The following DCX variants were observed in gnomAD, a reference collection of about 807,000 sequenced individuals.
DCX encodes the protein neuronal migration protein doublecortin.
DCX carries 4 observed loss-of-function variants against 20.9 expected under a neutral mutation model. The observed-to-expected ratio is 0.19, with a 90% CI of 0.09 to 0.44. The LOEUF (loss-of-function observed/expected upper bound fraction) is 0.44. Ranked by LOEUF, DCX falls within the 20% of genes least tolerant of loss-of-function variation. The probability of loss-of-function intolerance (pLI) is 0.99; values close to 1 mark genes in which losing one functional copy is unlikely to be tolerated. For synonymous variants in DCX, 103 were observed against 111.4 expected (o/e 0.92, Z 0.47); for missense variants, 133 against 296.9 (o/e 0.45, Z 4.06).
At chrX:111,356,725 A>G (rs1923763785) in intron 3 of DCX, among the ~76,000 whole-genome samples, 1 of 112,234 alleles carries the variant, frequency 8.9e-6, no homozygotes, top group Non-Finnish European at 1.9e-5. Context: ...TGTGAAAGTT[A>G]TAACAAAGAA....
chrX:111,332,606 G>A (rs1250437593), intron 4 of DCX, among the ~76,000 whole-genome samples: 2 of 111,895 alleles, frequency 1.8e-5, no homozygotes, highest in Non-Finnish European at 3.8e-5. Flanking sequence ...GTCTGATGGT[G>A]TGAAAAGGGT....
intron 3 of DCX, among the ~76,000 whole-genome samples, chrX:111,333,912 G>A (rs762426844): frequency 1.1e-4 from 12 of 111,825 alleles, no homozygotes; most frequent in Non-Finnish European, 2.1e-4. Context: ...AAAGTATGCT[G>A]CTTCCTGCAG....
intron 3 of DCX, among the ~76,000 whole-genome samples, chrX:111,368,693 T>C (rs17004002): frequency 0.21 from 23,473 of 110,374 alleles, 5,344 homozygotes; most frequent in African/African-American, 0.68. Flanking sequence ...ATGTTTCTCT[T>C]TCTCTGTCAG....
chrX:111,367,676 T>C (rs1168309012), intron 3 of DCX, among the ~76,000 whole-genome samples: 1 of 111,754 alleles, frequency 8.9e-6, no homozygotes, highest in Non-Finnish European at 1.9e-5. Flanking sequence ...ATAAGCAATG[T>C]GCTGTGTAGT....
chrX:111,336,522 G>C (rs1482948150), intron 3 of DCX, among the ~76,000 whole-genome samples: 2 of 112,131 alleles, frequency 1.8e-5, no homozygotes, highest in African/African-American at 3.2e-5. Flanking sequence ...TGGCTATTGA[G>C]ACACGGCAGC....
intron 3 of DCX, among the ~76,000 whole-genome samples, chrX:111,399,090 G>A (rs966041378): frequency 3.6e-5 from 4 of 110,719 alleles, no homozygotes; most frequent in African/African-American, 1.3e-4. Flanking sequence ...CTCCAGCCTG[G>A]GTGACAGAGT....
chrX:111,398,721 G>A (rs1487046024), intron 3 of DCX, among the ~76,000 whole-genome samples: 2 of 112,113 alleles, frequency 1.8e-5, no homozygotes, highest in Non-Finnish European at 1.9e-5. Context: ...GGAGATGGAG[G>A]TGTCCCTTTA....
At chrX:111,381,555 T>A (rs1285910267) in intron 3 of DCX, among the ~76,000 whole-genome samples, 3 of 110,879 alleles carry the variant, frequency 2.7e-5, no homozygotes, top group African/African-American at 9.8e-5. Context: ...TTCTGCCCAT[T>A]CTGTGAAGAA....
At chrX:111,303,510 A>T (rs944760691) in intron 6 of DCX, among the ~76,000 whole-genome samples, 1 of 111,657 alleles carries the variant, frequency 9.0e-6, no homozygotes, top group Non-Finnish European at 1.9e-5. Context: ...TTGGGAATTT[A>T]TCTAACATTG....
intron 3 of DCX, among the ~76,000 whole-genome samples, chrX:111,393,979 G>A (rs1255107326): frequency 9.0e-6 from 1 of 111,396 alleles, no homozygotes. Context: ...GCCCAGCAAT[G>A]CCATTTTGAG....
chrX:111,323,456 A>G (rs1373141414), intron 5 of DCX, among the ~76,000 whole-genome samples: 1 of 111,466 alleles, frequency 9.0e-6, no homozygotes, highest in Admixed American at 9.6e-5. Context: ...AGCACTGAGT[A>G]AGTATTCAAT....
intron 3 of DCX, among the ~76,000 whole-genome samples, chrX:111,370,121 C>T (rs1924957902): frequency 8.9e-6 from 1 of 111,853 alleles, no homozygotes; most frequent in Non-Finnish European, 1.9e-5. Context: ...TTTGACTATG[C>T]TTAGTTCCTG....
In DCX at chrX:111,331,044, G is replaced by A. The variant is rs867300590; in HGVS notation, c.809-3C>T. On this transcript the variant is annotated splice_region_variant and splice_polypyrimidine_tract_variant and intron_variant, in intron 4 of 6. Coordinates refer to ENST00000636035, the MANE Select transcript of DCX (RefSeq NM_001195553.2). ...GTTTCCCTTCATGACTCGGCATTCTGGGGCAAAAGGACACAGACAGCTTAG... is the reference window on the plus strand; with the variant it reads ...GTTTCCCTTCATGACTCGGCATTCTAGGGCAAAAGGACACAGACAGCTTAG... The A allele has an allele frequency of 8.3e-6, 10 of 1,210,657 alleles. No individual in the cohort carries two copies. Among genetic ancestry groups the A allele is most frequent in the Non-Finnish European group, 1.0e-5 (9 of 894,846 alleles).
chrX:111,313,328 T>C (rs1235520710), intron 5 of DCX, among the ~76,000 whole-genome samples: 1 of 110,188 alleles, frequency 9.1e-6, no homozygotes. Flanking sequence ...GAAAATAGGC[T>C]AGTCAGGAAG....
intron 5 of DCX, among the ~76,000 whole-genome samples, chrX:111,320,690 T>C (rs1024280536): frequency 2.7e-5 from 3 of 110,777 alleles, no homozygotes; most frequent in Admixed American, 9.7e-5. Context: ...ATTTTTCCCC[T>C]TGGCAACAAG....
chrX:111,388,291 T>C (rs759508490), intron 3 of DCX, among the ~76,000 whole-genome samples: 9 of 111,983 alleles, frequency 8.0e-5, no homozygotes, highest in African/African-American at 2.9e-4. Flanking sequence ...CATGGGTGAA[T>C]AGGTGTTACC....
At chrX:111,350,970 A>G (rs137923601) in intron 3 of DCX, among the ~76,000 whole-genome samples, 1 of 111,941 alleles carries the variant, frequency 8.9e-6, no homozygotes, top group African/African-American at 3.3e-5. Flanking sequence ...AAACCATCAG[A>G]TCTTGTGAGA....
At chrX:111,341,013 G>A in intron 3 of DCX, among the ~76,000 whole-genome samples, 1 of 111,030 alleles carries the variant, frequency 9.0e-6, no homozygotes, top group Non-Finnish European at 1.9e-5. Flanking sequence ...GAATTAGAAG[G>A]AGGGTAAGAC....
intron 3 of DCX, among the ~76,000 whole-genome samples, chrX:111,360,466 T>C (rs1174072377): frequency 9.0e-6 from 1 of 110,574 alleles, no homozygotes; most frequent in African/African-American, 3.3e-5. Context: ...GGGGGTGGGG[T>C]TGAGATGGGG....
Sources: gnomAD v4.1 joint callset for allele counts (sites outside exome capture counted in the v4.1 genomes callset) on GRCh38, gnomAD v4.1.1 for gene constraint, MANE v1.5 for transcripts, NCBI Gene and HGNC (gene_info 2026-07-23, HGNC 2026-07-21) for gene names.